FADS2: variants seen among roughly 807,000 people sequenced by gnomAD.
FADS2 encodes the protein fatty acid desaturase 2, also known as acyl-CoA 6-desaturase.
In FADS2, 18 loss-of-function variants were observed where a neutral mutation model predicts 61.2. The observed-to-expected ratio is 0.29, with a 90% CI of 0.20 to 0.44. FADS2 has a LOEUF of 0.44. FADS2 is among the 20% of genes least tolerant of loss of function. The pLI is 1.00. For missense variants in FADS2, 322 were observed against 572.7 expected, an observed-to-expected ratio of 0.56 and a Z score of 4.47; for synonymous variants, 203 against 223.9, an observed-to-expected ratio of 0.91 and a Z score of 0.83.
intron 4 of FADS2, among the ~76,000 whole-genome samples, chr11:61,841,975 G>T (rs932148660): frequency 3.9e-5 from 6 of 152,210 alleles, no homozygotes; most frequent in Non-Finnish European, 8.8e-5. Flanking sequence ...GTTCTGATCT[G>T]ACAGGCGTTA....
At chr11:61,839,791 AC>A (rs1182400877) in intron 2 of FADS2, among the ~76,000 whole-genome samples, 1 of 152,146 alleles carries the variant, frequency 6.6e-6, no homozygotes, top group East Asian at 1.9e-4. Context: ...CCTGGCAGGC[AC>A]CATTCTACTT....
chr11:61,824,507 G>GAAAGAAAGAAAGA (rs2067065098), upstream of FADS2, among the ~76,000 whole-genome samples: 4 of 104,012 alleles, frequency 3.8e-5, no homozygotes, highest in African/African-American at 1.1e-4. Flanking sequence ...AGAAAGGAAA[G>GAAAGAAAGAAAGA]AAAGAAAGAA....
chr11:61,840,754 C>A, intron 4 of FADS2, 29 bp downstream of exon 4: 3 of 1,525,100 alleles, frequency 2.0e-6, no homozygotes, highest in Non-Finnish European at 2.7e-6. Context: ...GGGCATCTGT[C>A]CTGTTGGACA....
intron 1 of FADS2, among the ~76,000 whole-genome samples, chr11:61,835,265 A>G (rs536647435): frequency 6.6e-6 from 1 of 152,292 alleles, no homozygotes; most frequent in African/African-American, 2.4e-5. Context: ...ACAAAGACCA[A>G]GCAAAGGACT....
intron 7 of FADS2, among the ~76,000 whole-genome samples, chr11:61,861,353 C>CAAAAAAAAAAAAAAAAAAAAACAAA (rs58136105): frequency 1.0e-4 from 3 of 29,728 alleles, no homozygotes; most frequent in African/African-American, 2.8e-4. Context: ...GACTCCCTCT[C>CAAAAAAAAAAAAAAAAAAAAACAAA]AAAAAAAAAA....
At chr11:61,825,901 A>T (rs987127732), upstream of FADS2, 3 of 592,156 alleles carry the variant, frequency 5.1e-6, no homozygotes, top group Non-Finnish European at 9.1e-6. Context: ...TCAAAAAAAA[A>T]TTAGAGGGCA....
At chr11:61,835,597 G>A (rs1467969599) in intron 1 of FADS2, among the ~76,000 whole-genome samples, 1 of 151,138 alleles carries the variant, frequency 6.6e-6, no homozygotes, top group Non-Finnish European at 1.5e-5. Context: ...GTAGAGACGG[G>A]GTTTCACCAT....
intron 7 of FADS2, chr11:61,862,389 AAGCCCAGTCCCTGACACC>A (rs1021176905): frequency 3.2e-5 from 5 of 155,608 alleles, no homozygotes; most frequent in African/African-American, 1.2e-4. Context: ...GAAGACGTCC[AAGCCCAGTCCCTGACACC>A]AGTCCAGCCA....
At chr11:61,853,425 C>A (rs980263528) in intron 5 of FADS2, among the ~76,000 whole-genome samples, 1 of 151,678 alleles carries the variant, frequency 6.6e-6, no homozygotes, top group Non-Finnish European at 1.5e-5. Flanking sequence ...ATTGCATTGA[C>A]GGGAAATTTC....
Position 61,866,013 on chromosome 11 carries a change from G to T in FADS2, c.*324G>T, listed in dbSNP as rs929372123. ...ACCTCCACTCTCTGCCCCTAAAGATGGGAGGAGACCAGCGGTCCATGGGTC... is the reference window on the plus strand; with the variant it reads ...ACCTCCACTCTCTGCCCCTAAAGATTGGAGGAGACCAGCGGTCCATGGGTC... On this transcript the variant is annotated 3_prime_UTR_variant, in exon 12 of 12. Coordinates refer to ENST00000278840, the MANE Select transcript of FADS2 (RefSeq NM_004265.4). The T allele has an allele frequency of 4.9e-5, 23 of 464,998 alleles. No individual in the cohort carries two copies. The highest frequency in any genetic ancestry group is 4.3e-4 in the African/African-American group (22 of 51,558). 28.8% of individuals were successfully genotyped at this position (464,998 alleles called of 1,614,324 possible).
In FADS2 at chr11:61,863,797, G is replaced by A; in HGVS notation, c.1157+11G>A. 1 of 1,612,394 alleles carries A rather than the reference G, an allele frequency of 6.2e-7. No individual in the cohort carries two copies. Among genetic ancestry groups the A allele is most frequent in the Non-Finnish European group, 8.5e-7 (1 of 1,178,442 alleles). On this transcript the variant is annotated intron_variant, in intron 10 of 11. Coordinates refer to ENST00000278840, the MANE Select transcript of FADS2 (RefSeq NM_004265.4). ...CCAGATTGAGCACCAGTGAGCGCGG[G>A]GCTGCGGGGAGGCGGGGAGACCCAC... is the stretch of plus-strand genomic sequence containing the variant.
intron 4 of FADS2, among the ~76,000 whole-genome samples, chr11:61,841,539 C>CAA (rs775807296): frequency 5.2e-5 from 7 of 135,852 alleles, no homozygotes; most frequent in African/African-American, 8.1e-5. Flanking sequence ...CCCCATCTCT[C>CAA]AAAAAAAAAA....
intron 5 of FADS2, among the ~76,000 whole-genome samples, chr11:61,853,052 G>A (rs1591176820): frequency 6.6e-6 from 1 of 152,124 alleles, no homozygotes; most frequent in Non-Finnish European, 1.5e-5. Context: ...CTACTCTGGA[G>A]GCTGAGGCAA....
chr11:61,858,550 G>GT (rs2067385021), intron 7 of FADS2, among the ~76,000 whole-genome samples: 2 of 151,604 alleles, frequency 1.3e-5, no homozygotes. Context: ...TTAAAATAGG[G>GT]ACATTGGTCA....
At chr11:61,857,379 G>T (rs2067369696) in intron 6 of FADS2, 75 bp from the exon 7 acceptor site, 2 of 1,362,650 alleles carry the variant, frequency 1.5e-6, no homozygotes, top group Middle Eastern at 1.8e-4. Context: ...CTCAGTGCTG[G>T]GCCTGGGTTC....
At chr11:61,861,988 A>T (rs1161276681) in intron 7 of FADS2, 2 of 152,290 alleles carry the variant, frequency 1.3e-5, no homozygotes, top group Non-Finnish European at 2.9e-5. Context: ...TTGAAGTGAG[A>T]CAGGGCAGTC....
chr11:61,817,505 T>G (rs1341861255), intron 1 of FADS2, among the ~76,000 whole-genome samples: 1 of 152,230 alleles, frequency 6.6e-6, no homozygotes, highest in Admixed American at 6.5e-5. Flanking sequence ...TGCCCCACAA[T>G]TTTTATAACC....
chr11:61,863,704 C>T lies in FADS2; in HGVS notation c.1078-3C>T. On this transcript the variant is annotated splice_polypyrimidine_tract_variant and splice_region_variant and intron_variant, in intron 9 of 11. Coordinates refer to ENST00000278840, the MANE Select transcript of FADS2 (RefSeq NM_004265.4). ...CCCTGACACTCATCCCCTCCACTGA[C>T]AGCTGACAGCCACCTGCAACGTGGA... The T allele has an allele frequency of 6.2e-7, 1 of 1,613,482 alleles. No homozygotes were observed. The highest frequency in any genetic ancestry group is 8.5e-7 in the Non-Finnish European group (1 of 1,179,358).
intron 7 of FADS2, among the ~76,000 whole-genome samples, chr11:61,861,357 A>AAAAAAAAAAAAAAAAAAAAAAAAAC (rs2067413316): frequency 8.1e-6 from 1 of 123,196 alleles, no homozygotes; most frequent in Non-Finnish European, 1.7e-5. Context: ...CCCTCTCAAA[A>AAAAAAAAAAAAAAAAAAAAAAAAAC]AAAAAAAAAA....
Sources: gnomAD v4.1 joint callset for allele counts (sites outside exome capture counted in the v4.1 genomes callset) on GRCh38, gnomAD v4.1.1 for gene constraint, MANE v1.5 for transcripts, NCBI Gene and HGNC (gene_info 2026-07-23, HGNC 2026-07-21) for gene names.